Variants in ENKUR observed in about 807,000 individuals in gnomAD.
The protein encoded by ENKUR is enkurin, TRPC channel interacting protein, also known as enkurin.
A neutral mutation model predicts 27.6 loss-of-function variants in ENKUR; 19 were observed. The ratio of observed to expected loss-of-function variants is 0.69; its 90% CI spans 0.48 to 1.01. The LOEUF (loss-of-function observed/expected upper bound fraction) is 1.01. Among genes scored for constraint, ENKUR ranks in the 50% least tolerant of loss-of-function variants. ENKUR has a pLI of 0.00. For missense variants in ENKUR, 312 were observed against 310.5 expected (o/e 1.00, Z -0.04); for synonymous variants, 117 against 96.9 (o/e 1.21, Z -1.22).
chr10:25,024,971 A>G, intron 2 of ENKUR: 1 of 1,614,206 alleles, frequency 6.2e-7, no homozygotes, highest in Admixed American at 1.7e-5. Context: ...GCTAATAAAG[A>G]TGGACAGCTA....
intron 2 of ENKUR, among the ~76,000 whole-genome samples, chr10:25,036,252 G>A (rs1851006481): frequency 6.6e-6 from 1 of 152,136 alleles, no homozygotes; most frequent in Admixed American, 6.5e-5. Context: ...GTAGTAATAA[G>A]TCTCACGAGA....
chr10:24,989,859 A>G (rs1023250771), intron 4 of ENKUR, among the ~76,000 whole-genome samples: 1 of 152,188 alleles, frequency 6.6e-6, no homozygotes, highest in Non-Finnish European at 1.5e-5. Context: ...AAACGCTCAT[A>G]CAAATGATGA....
rs757163828 is a variant in ENKUR, at chr10:24,984,859, A to C, written c.641T>G (p.Leu214Arg). Residue 214 changes from leucine (L) to arginine (R), a missense_variant, in exon 5 of 6, where the codon CTC becomes CGC. By Grantham distance (102) the Leu-to-Arg change is moderately radical (BLOSUM62 -2). Coordinates refer to ENST00000331161, the MANE Select transcript of ENKUR (RefSeq NM_145010.4). ...WEEVHKEFQS[L>R]SVFIDSIPKK... ...TGGTATAGAATCTATAAAGACCGAG[A>C]GGGACTGGAATTCTTTATGCACCTC... 2 of 1,613,508 alleles carry C rather than the reference A, an allele frequency of 1.2e-6. No individual in the cohort carries two copies. Among genetic ancestry groups the C allele is most frequent in the African/African-American group, 2.7e-5 (2 of 74,878 alleles).
intron 1 of ENKUR, among the ~76,000 whole-genome samples, chr10:25,004,606 G>C (rs536891204): frequency 1.3e-5 from 2 of 152,174 alleles, no homozygotes; most frequent in Non-Finnish European, 2.9e-5. Context: ...CTTTTTAATA[G>C]CATTATTTGT....
At chr10:24,992,756 T>A (rs1849953439) in intron 3 of ENKUR, among the ~76,000 whole-genome samples, 1 of 152,140 alleles carries the variant, frequency 6.6e-6, no homozygotes, top group South Asian at 2.1e-4. Context: ...ACTTAACCCA[T>A]CCTGACTGAA....
chr10:24,985,986 T>G (rs1312205360), intron 4 of ENKUR, among the ~76,000 whole-genome samples: 1 of 152,182 alleles, frequency 6.6e-6, no homozygotes, highest in Non-Finnish European at 1.5e-5. Flanking sequence ...GAGGATCACC[T>G]GAGCTCAGGA....
chr10:25,054,457 TTTTCTTTCTTTCTTTCTTTC>T (rs55635166), intron 2 of ENKUR, among the ~76,000 whole-genome samples: 3 of 100,860 alleles, frequency 3.0e-5, no homozygotes, highest in Non-Finnish European at 4.1e-5. Context: ...GTTTTTTCTC[TTTTCTTTCTTTCTTTCTTTC>T]TTTCTTTCTT....
At position 24,995,959 on chromosome 10, in the gene ENKUR, A is replaced by G. The variant is rs556622359; in HGVS notation, c.224-90T>C. On this transcript the variant is annotated intron_variant, in intron 2 of 5. Coordinates refer to ENST00000331161, the MANE Select transcript of ENKUR (RefSeq NM_145010.4). ...AATATCCAGATATTTCACCACTTGT[A>G]TATTGAAGTTGCAGTCATAATATAT... The G allele has an allele frequency of 4.1e-5, 43 of 1,045,616 alleles. 1 individual carries two copies. In the East Asian group the frequency reaches 1.1e-3, roughly 26 times the overall value. The allele number at this position is 1,045,616 out of a possible 1,614,324, so 64.8% of individuals were successfully genotyped here.
At chr10:25,024,640 T>G in intron 2 of ENKUR, 1 of 1,614,122 alleles carries the variant, frequency 6.2e-7, no homozygotes, top group East Asian at 2.2e-5. Flanking sequence ...CTCCATAAAC[T>G]GGGGCCGACT....
In ENKUR at chr10:25,032,314, A is replaced by AGG. The variant is rs60412096; in HGVS notation, c.37+28796_37+28797dup. Reference sequence around the variant, plus strand: ...CAGGGAATTAGAATCAGAGTAAAGAAGGGGGGGGGGCTATGATCGTTACCA... The same window carrying AGG: ...CAGGGAATTAGAATCAGAGTAAAGAAGGGGGGGGGGGGCTATGATCGTTACCA... On this transcript the variant is annotated intron_variant, in intron 2 of 5. Transcript: ENST00000615958. 5.3e-3 allele frequency among the ~76,000 whole-genome samples: 733 copies of AGG among 137,220 alleles called. 5 individuals carry two copies. Among genetic ancestry groups the AGG allele is most frequent in the African/African-American group, 0.018 (661 of 36,722 alleles). The allele number at this position is 137,220 out of a possible 152,430, so 90.0% of individuals were successfully genotyped here.
Position 24,999,477 on chromosome 10 carries a change from C to T in ENKUR, c.147G>A (p.Met49Ile). The T allele has an allele frequency of 6.2e-7, 1 of 1,613,120 alleles. No individual in the cohort carries two copies. The highest frequency in any genetic ancestry group is 1.1e-5 in the South Asian group (1 of 90,842). ...AAGGTACTTCAACTTTTGCTGGTCC[C>T]ATAGTTTTCATTGCAGTTTTAGCTT... ...MQKAKTAMKT[M>I]GPAKVEVPSP... is the part of the protein sequence containing the mutation. Residue 49 changes from methionine (M) to isoleucine (I), a missense_variant, in exon 2 of 6, where the codon ATG becomes ATA. Coordinates refer to ENST00000331161, the MANE Select transcript of ENKUR (RefSeq NM_145010.4).
intron 2 of ENKUR, among the ~76,000 whole-genome samples, chr10:25,022,514 T>C (rs2132754988): frequency 6.6e-6 from 1 of 152,346 alleles, no homozygotes; most frequent in Middle Eastern, 3.4e-3. Flanking sequence ...ATGAATAATA[T>C]GTAACAATGA....
intron 1 of ENKUR, 104 bp from the exon 2 acceptor site, chr10:24,999,650 A>G (rs1334235928): frequency 9.5e-7 from 1 of 1,056,110 alleles, no homozygotes; most frequent in East Asian, 2.6e-5. Flanking sequence ...TTAAGTCTAT[A>G]TTCGTATGGA....
chr10:24,994,221 A>C (rs1849990747), intron 3 of ENKUR, among the ~76,000 whole-genome samples: 1 of 148,772 alleles, frequency 6.7e-6, no homozygotes. Context: ...TTTTTTCTTT[A>C]TCTCTCTTCC....
intron 2 of ENKUR, chr10:25,023,955 G>A (rs746994002): frequency 6.2e-7 from 1 of 1,614,212 alleles, no homozygotes; most frequent in South Asian, 1.1e-5. Flanking sequence ...ACTGTGAACA[G>A]AAGGTTTCAG....
chr10:25,046,099 G>C (rs1414537548), intron 2 of ENKUR, among the ~76,000 whole-genome samples: 1 of 152,100 alleles, frequency 6.6e-6, no homozygotes, highest in Non-Finnish European at 1.5e-5. Context: ...AAACCAAACT[G>C]CAAGAGGATA....
chr10:25,025,316 A>G (rs2132765820), intron 2 of ENKUR: 1 of 1,614,234 alleles, frequency 6.2e-7, no homozygotes, highest in Non-Finnish European at 8.5e-7. Context: ...CTGGGTTCAT[A>G]CAATGCATTA....
Position 25,055,994 on chromosome 10 carries a change from T to C in ENKUR, c.37+5118A>G, listed in dbSNP as rs557036073. ...AGTTGGTAAGAATGTTGCACCATTA[T>C]CATTGTCATGATCATCACCATCATT... On this transcript the variant is annotated intron_variant, in intron 2 of 5. Transcript: ENST00000615958. Among the ~76,000 whole-genome samples, 7 of 152,344 alleles carry C rather than the reference T, an allele frequency of 4.6e-5. No homozygotes were observed. In the East Asian group the frequency reaches 1.3e-3, roughly 29 times the overall value.
At chr10:25,030,984 G>A (rs763683682) in intron 2 of ENKUR, among the ~76,000 whole-genome samples, 3 of 152,118 alleles carry the variant, frequency 2.0e-5, no homozygotes, top group Non-Finnish European at 2.9e-5. Flanking sequence ...TGGGCATGTT[G>A]GTGGGCACCT....
Sources: allele counts gnomAD v4.1 joint callset (sites outside exome capture counted in the v4.1 genomes callset), GRCh38; gene constraint gnomAD v4.1.1; transcripts MANE v1.5; gene names NCBI Gene and HGNC (gene_info 2026-07-23, HGNC 2026-07-21).